EYS: variants seen among roughly 807,000 people sequenced by gnomAD.
The protein encoded by EYS is EGF-like photoreceptor maintenance factor, also known as protein eyes shut homolog.
In EYS, 250 loss-of-function variants were observed where a neutral mutation model predicts 282.1. The ratio of observed to expected loss-of-function variants is 0.89; its 90% confidence interval spans 0.80 to 0.98. The LOEUF (loss-of-function observed/expected upper bound fraction) is 0.98. Ranked by LOEUF, EYS falls within the 50% of genes least tolerant of loss-of-function variation. The pLI is 0.00. For missense variants in EYS, 4,016 were observed against 3,709.0 expected, an observed-to-expected ratio of 1.08 and a Z score of -2.15; for synonymous variants, 1,355 against 1,282.9, an observed-to-expected ratio of 1.06 and a Z score of -1.20.
intron 19 of EYS, among the ~76,000 whole-genome samples, chr6:64,829,195 T>C (rs773241683): frequency 1.3e-5 from 2 of 151,960 alleles, no homozygotes; most frequent in African/African-American, 2.4e-5. Flanking sequence ...TGCATGTTAA[T>C]GCAGAAGAGG....
chr6:65,319,669 T>C (rs2150304540), intron 11 of EYS, among the ~76,000 whole-genome samples: 1 of 152,286 alleles, frequency 6.6e-6, no homozygotes. Flanking sequence ...ACTCAATAAG[T>C]ATTTGTTGAA....
intron 36 of EYS, among the ~76,000 whole-genome samples, chr6:63,862,296 G>A (rs1457172654): frequency 6.6e-6 from 1 of 152,062 alleles, no homozygotes; most frequent in Non-Finnish European, 1.5e-5. Context: ...TGTAAGGTCA[G>A]AAGTCTTATC....
chr6:63,926,100 C>T (rs1179310560), intron 35 of EYS, among the ~76,000 whole-genome samples: 1 of 152,152 alleles, frequency 6.6e-6, no homozygotes, highest in Non-Finnish European at 1.5e-5. Context: ...GCTTTATCCA[C>T]AGGGATCATC....
At chr6:64,445,878 G>C (rs1236606780) in intron 26 of EYS, among the ~76,000 whole-genome samples, 1 of 152,032 alleles carries the variant, frequency 6.6e-6, no homozygotes. Flanking sequence ...GAGAGCTATG[G>C]ACCAGGGTTC....
At chr6:64,857,437 T>G (rs1766100176) in intron 19 of EYS, among the ~76,000 whole-genome samples, 1 of 152,162 alleles carries the variant, frequency 6.6e-6, no homozygotes, top group Non-Finnish European at 1.5e-5. Context: ...AATTCTCTTT[T>G]TAAAAAAAGG....
rs558935740 is a variant in EYS at position 65,284,014 on chromosome 6, C to A, written c.2023+11849G>T. The stretch of plus-strand genomic sequence containing the variant: ...AACTCGATTGACTGAATGTTATATA[C>A]GTTTTCCATCAAAGCGATGCACCAG... On this transcript the variant is annotated intron_variant, in intron 12 of 42. Coordinates refer to ENST00000503581, the MANE Select transcript of EYS (RefSeq NM_001142800.2). 3.3e-5 allele frequency among the ~76,000 whole-genome samples: 5 copies of A among 152,154 alleles called. No homozygotes were observed. In the East Asian group the frequency reaches 9.7e-4, roughly 29 times the overall value.
chr6:64,770,881 TAC>T (rs1189383027), intron 22 of EYS, among the ~76,000 whole-genome samples: 6 of 151,884 alleles, frequency 4.0e-5, no homozygotes, highest in African/African-American at 1.4e-4. Context: ...CAGAAGTTTG[TAC>T]ATTCTTAGAA....
chr6:64,640,680 T>G (rs545571084), intron 22 of EYS, among the ~76,000 whole-genome samples: 8 of 152,186 alleles, frequency 5.3e-5, no homozygotes, highest in African/African-American at 1.7e-4. Context: ...GTAACTAACC[T>G]GCACATTGTG....
intron 5 of EYS, among the ~76,000 whole-genome samples, chr6:65,467,813 A>G (rs1765061659): frequency 6.6e-6 from 1 of 152,150 alleles, no homozygotes; most frequent in Admixed American, 6.6e-5. Flanking sequence ...ATAAAAATAT[A>G]TGACAGAATT....
chr6:63,744,908 G>A, intron 41 of EYS: 1 of 326,604 alleles, frequency 3.1e-6, no homozygotes, highest in Non-Finnish European at 5.9e-6. Flanking sequence ...GTTGACTTTT[G>A]TTTCCAGCAG....
chr6:64,545,967 A>G (rs1764847461), intron 26 of EYS, among the ~76,000 whole-genome samples: 1 of 152,230 alleles, frequency 6.6e-6, no homozygotes, highest in African/African-American at 2.4e-5. Flanking sequence ...TATAGATTCA[A>G]TGCCATCCCC....
chr6:63,721,778 A>C lies in EYS; in HGVS notation c.8253T>G (p.Ser2751=). Residue 2751 remains serine (S), a synonymous_variant, in exon 43 of 43, where the codon TCT becomes TCG. Coordinates refer to ENST00000503581, the MANE Select transcript of EYS (RefSeq NM_001142800.2). ...GAAGTTGAACGGAACTATTTACTAA[A>C]GAGATGCATAAAAAATCACCTGCAA... ...KAQSGDFLCI[S]LVNSSVQLRY... 6.5e-7 allele frequency: 1 copy of C among 1,543,588 alleles called. No individual in the cohort carries two copies. The highest frequency in any genetic ancestry group is 1.2e-5 in the South Asian group (1 of 82,506).
chr6:65,344,924 G>A (rs1770337930), intron 9 of EYS, among the ~76,000 whole-genome samples: 2 of 151,666 alleles, frequency 1.3e-5, no homozygotes, highest in South Asian at 4.2e-4. Context: ...ATTTGTCAGA[G>A]GACAGTATTT....
intron 5 of EYS, among the ~76,000 whole-genome samples, chr6:65,444,192 A>G (rs1768563197): frequency 6.6e-6 from 1 of 152,000 alleles, no homozygotes; most frequent in African/African-American, 2.4e-5. Context: ...ACTATTCTTC[A>G]ATATAGTCTC....
chr6:65,363,613 T>C (rs1242427681), intron 8 of EYS, among the ~76,000 whole-genome samples: 1 of 151,928 alleles, frequency 6.6e-6, no homozygotes, highest in East Asian at 1.9e-4. Flanking sequence ...GTGACTTTAA[T>C]ATTCTTTTTA....
At chr6:65,147,008 G>T (rs905839738) in intron 12 of EYS, among the ~76,000 whole-genome samples, 63 of 151,874 alleles carry the variant, frequency 4.1e-4, no homozygotes, top group African/African-American at 1.5e-3. Flanking sequence ...ACTTTTTGTT[G>T]CTTTGTATAT....
intron 26 of EYS, among the ~76,000 whole-genome samples, chr6:64,484,984 T>G (rs978796808): frequency 6.6e-6 from 1 of 151,528 alleles, no homozygotes; most frequent in Non-Finnish European, 1.5e-5. Flanking sequence ...AACAAAAATG[T>G]GAAGGGAATA....
intron 29 of EYS, among the ~76,000 whole-genome samples, chr6:64,357,908 C>T (rs1394495888): frequency 1.3e-5 from 2 of 151,518 alleles, no homozygotes. Context: ...TAAACCTAGC[C>T]AAGGAAGAGT....
chr6:64,345,490 C>G (rs1040900972), intron 29 of EYS, among the ~76,000 whole-genome samples: 28 of 152,114 alleles, frequency 1.8e-4, no homozygotes, highest in Middle Eastern at 6.8e-3. Context: ...GGAAAACTGG[C>G]TAGCCATATG....
Sources: allele counts gnomAD v4.1 joint callset (sites outside exome capture counted in the v4.1 genomes callset), GRCh38; gene constraint gnomAD v4.1.1; transcripts MANE v1.5; gene names NCBI Gene and HGNC (gene_info 2026-07-23, HGNC 2026-07-21).